Variants in XKR4 observed in about 807,000 individuals in gnomAD.
XKR4 encodes the protein XK related 4, also known as XK-related protein 4.
XKR4 carries 12 observed loss-of-function variants against 53.9 expected under a neutral mutation model. The observed-to-expected ratio is 0.22, with a 90% CI of 0.14 to 0.36. XKR4 has a LOEUF of 0.36. XKR4 is among the 10% of genes least tolerant of loss of function. The pLI is 1.00. For missense variants in XKR4, 799 were observed against 859.5 expected (o/e 0.93, Z 0.88); for synonymous variants, 354 against 362.4 (o/e 0.98, Z 0.26).
rs759358828 is a variant in XKR4, at chr8:55,523,754, G to A, written c.1480G>A (p.Val494Met). 4.3e-6 allele frequency: 7 copies of A among 1,614,080 alleles called. No homozygotes were observed. The highest frequency in any genetic ancestry group is 1.6e-4 in the Middle Eastern group (1 of 6,084). Residue 494 changes from valine to methionine, a missense_variant, in exon 3 of 3, where the codon GTG becomes ATG. This residue lies in a region of XKR4 where 269 missense variants were observed against 264.4 expected (regional missense o/e 1.02). Transcript: ENST00000327381. ...CGCATTTGCCATTCCAGCGCTGTGT[G>A]TGGTGTTCAGCAGCTTTTTAACTGG... The part of the protein sequence containing the change: ...ADAFAIPALC[V>M]VFSSFLTGVV...
intron 1 of XKR4, among the ~76,000 whole-genome samples, chr8:55,160,389 T>G (rs1440943296): frequency 6.6e-6 from 1 of 152,050 alleles, no homozygotes; most frequent in Non-Finnish European, 1.5e-5. Context: ...GATCAGTGGA[T>G]CAGGAGGGTT....
chr8:55,103,173 A>G lies in XKR4; in HGVS notation c.685A>G (p.Ser229Gly). Reference sequence around the variant, plus strand: ...CAAGAGCAACATCGCCGCGGCCAACAGCGGCAGCAACAGCAGCGGGGCTAC... The same window carrying G: ...CAAGAGCAACATCGCCGCGGCCAACGGCGGCAGCAACAGCAGCGGGGCTAC... ...ASKSNIAAANSGSNSSGATRA... is the reference protein window; with the variant it reads ...ASKSNIAAANGGSNSSGATRA... Residue 229 changes from serine to glycine, a missense_variant, in exon 1 of 3, where the codon AGC (serine) becomes GGC (glycine). Transcript: ENST00000327381. 6.2e-7 allele frequency: 1 copy of G among 1,614,016 alleles called. No individual in the cohort carries two copies. The highest frequency in any genetic ancestry group is 8.5e-7 in the Non-Finnish European group (1 of 1,180,038).
At chr8:55,389,978 TG>T (rs1454960176) in intron 2 of XKR4, among the ~76,000 whole-genome samples, 1 of 152,128 alleles carries the variant, frequency 6.6e-6, no homozygotes, top group Non-Finnish European at 1.5e-5. Flanking sequence ...AATTGTTATA[TG>T]GATGTTGTTC....
chr8:55,245,027 G>T (rs1220909805), intron 1 of XKR4, among the ~76,000 whole-genome samples: 7 of 151,214 alleles, frequency 4.6e-5, no homozygotes, highest in Non-Finnish European at 1.0e-4. Context: ...TCAGCCTCCT[G>T]AGTAGCTGAG....
chr8:55,339,176 G>A (rs1009400979), intron 1 of XKR4, among the ~76,000 whole-genome samples: 3 of 152,166 alleles, frequency 2.0e-5, no homozygotes, highest in African/African-American at 7.2e-5. Context: ...GATAACATAG[G>A]ATGCTGTGGC....
At chr8:55,206,624 C>T (rs1817655155) in intron 1 of XKR4, among the ~76,000 whole-genome samples, 1 of 152,180 alleles carries the variant, frequency 6.6e-6, no homozygotes, top group Non-Finnish European at 1.5e-5. Context: ...ACCCCAACTT[C>T]TCAAAAAGAG....
At chr8:55,446,247 A>G (rs1039930010) in intron 2 of XKR4, among the ~76,000 whole-genome samples, 7 of 152,222 alleles carry the variant, frequency 4.6e-5, no homozygotes, top group Non-Finnish European at 7.3e-5. Flanking sequence ...TTTTATCCAC[A>G]TGTTACAATG....
chr8:55,252,369 G>A (rs1317837912), intron 1 of XKR4, among the ~76,000 whole-genome samples: 2 of 152,140 alleles, frequency 1.3e-5, no homozygotes, highest in Non-Finnish European at 2.9e-5. Flanking sequence ...AAAATTGAAG[G>A]ATCTCAAACA....
intron 2 of XKR4, among the ~76,000 whole-genome samples, chr8:55,374,408 C>T (rs1189297931): frequency 6.6e-6 from 1 of 152,278 alleles, no homozygotes; most frequent in East Asian, 1.9e-4. Context: ...ACCGGTTCCA[C>T]CTGGAGAGAG....
chr8:55,207,827 C>T (rs1385548404), intron 1 of XKR4, among the ~76,000 whole-genome samples: 1 of 151,998 alleles, frequency 6.6e-6, no homozygotes, highest in African/African-American at 2.4e-5. Context: ...TCTAAGAAAC[C>T]AGAGAGGTTG....
chr8:55,523,241 A>G, intron 2 of XKR4, 40 bp from the exon 3 acceptor site: 6 of 1,521,890 alleles, frequency 3.9e-6, no homozygotes, highest in Non-Finnish European at 5.3e-6. Flanking sequence ...CATTGCTGCA[A>G]CTGATTTCTG....
Position 55,103,282 on chromosome 8 carries a change from G to A in XKR4, c.794G>A (p.Gly265Glu), listed in dbSNP as rs1816084470. 1 of 1,606,944 alleles carries A rather than the reference G, an allele frequency of 6.2e-7. No individual in the cohort carries two copies. Among genetic ancestry groups the A allele is most frequent in the African/African-American group, 1.3e-5 (1 of 74,824 alleles). The change falls in exon 1 of 3, where the codon GGG becomes GAG. Residue 265 changes from glycine to glutamate, a missense_variant. Coordinates refer to ENST00000327381, the MANE Select transcript of XKR4 (RefSeq NM_052898.2). Reference sequence around the variant, plus strand: ...TCACTCATCCACATCTTGCAGCTCGGGCAAATCTGGAGGTACTGTAATGGG... The same window carrying A: ...TCACTCATCCACATCTTGCAGCTCGAGCAAATCTGGAGGTACTGTAATGGG... ...LQSLIHILQL[G>E]QIWRYFHTIY... is the part of the protein sequence containing the mutation.
At chr8:55,167,707 G>T (rs1817088984) in intron 1 of XKR4, among the ~76,000 whole-genome samples, 1 of 152,122 alleles carries the variant, frequency 6.6e-6, no homozygotes, top group African/African-American at 2.4e-5. Flanking sequence ...ATATACTTTT[G>T]GGAGTCACCA....
chr8:55,245,662 CAA>C (rs1460192743), intron 1 of XKR4, among the ~76,000 whole-genome samples: 1 of 152,142 alleles, frequency 6.6e-6, no homozygotes, highest in African/African-American at 2.4e-5. Context: ...CCTGCTGCTC[CAA>C]GAGTCTCCCC....
At chr8:55,417,591 G>T (rs1050818085) in intron 2 of XKR4, among the ~76,000 whole-genome samples, 3 of 152,206 alleles carry the variant, frequency 2.0e-5, no homozygotes, top group African/African-American at 7.2e-5. Context: ...TCAAAAAAGT[G>T]TAGCTGTAGG....
intron 1 of XKR4, among the ~76,000 whole-genome samples, chr8:55,289,699 A>AAGAAAGGAAGAAAGAAAG (rs1818971895): frequency 8.0e-6 from 1 of 125,598 alleles, no homozygotes; most frequent in African/African-American, 2.8e-5. Context: ...AAGAAAGAGA[A>AAGAAAGGAAGAAAGAAAG]AGAAAGAAAG....
intron 1 of XKR4, among the ~76,000 whole-genome samples, chr8:55,253,549 C>A (rs1818390106): frequency 1.3e-5 from 2 of 152,110 alleles, no homozygotes; most frequent in South Asian, 2.1e-4. Context: ...TCCAGCACTG[C>A]ATAGATTGTG....
At chr8:55,304,105 G>A (rs1474114485) in intron 1 of XKR4, among the ~76,000 whole-genome samples, 3 of 151,904 alleles carry the variant, frequency 2.0e-5, no homozygotes, top group African/African-American at 7.3e-5. Context: ...TGTCGATTTT[G>A]GATCTTTCCT....
At chr8:55,441,106 A>G (rs2658929) in intron 2 of XKR4, among the ~76,000 whole-genome samples, 83,773 of 151,006 alleles carry the variant, frequency 0.55, 24,809 homozygotes, top group African/African-American at 0.76. Flanking sequence ...CAGGCATGCT[A>G]ATGCATGCCT....
Sources: allele counts gnomAD v4.1 joint callset (sites outside exome capture counted in the v4.1 genomes callset), GRCh38; gene constraint gnomAD v4.1.1; regional missense constraint gnomAD v4.1.1; transcripts MANE v1.5; gene names NCBI Gene and HGNC (gene_info 2026-07-23, HGNC 2026-07-21).